RUNDC3B: variants seen among roughly 807,000 people sequenced by gnomAD.
RUNDC3B encodes RUN domain containing 3B.
A neutral mutation model predicts 58.4 loss-of-function variants in RUNDC3B; 33 were observed. That is an observed-to-expected ratio of 0.56 (90% CI 0.43 to 0.75). The LOEUF is 0.75. RUNDC3B is among the 30% of genes least tolerant of loss of function. The pLI is 0.00. For synonymous variants in RUNDC3B, 193 were observed against 195.2 expected, an observed-to-expected ratio of 0.99 and a Z score of 0.10; for missense variants, 501 against 535.7, an observed-to-expected ratio of 0.94 and a Z score of 0.64.
At chr7:87,734,005 C>G (rs1414393351) in intron 4 of RUNDC3B, among the ~76,000 whole-genome samples, 1 of 152,124 alleles carries the variant, frequency 6.6e-6, no homozygotes, top group South Asian at 2.1e-4. Context: ...AGACACTTCT[C>G]CAAGGGGGGT....
chr7:87,827,297 G>A (rs1267449253), intron 10 of RUNDC3B, among the ~76,000 whole-genome samples: 1 of 152,174 alleles, frequency 6.6e-6, no homozygotes, highest in African/African-American at 2.4e-5. Flanking sequence ...AGACCAGCCT[G>A]ACCAACATGG....
At chr7:87,795,285 AAATC>A (rs1835753749) in intron 8 of RUNDC3B, among the ~76,000 whole-genome samples, 1 of 152,194 alleles carries the variant, frequency 6.6e-6, no homozygotes, top group African/African-American at 2.4e-5. Context: ...AATAGGAAAA[AAATC>A]AAATTATCTG....
chr7:87,813,929 G>A (rs1437710392), intron 9 of RUNDC3B, among the ~76,000 whole-genome samples: 1 of 151,466 alleles, frequency 6.6e-6, no homozygotes, highest in Admixed American at 6.6e-5. Flanking sequence ...TGCAGTGAGC[G>A]GAGATCGCGC....
chr7:87,654,223 A>G (rs955649037), intron 2 of RUNDC3B, among the ~76,000 whole-genome samples: 2 of 152,044 alleles, frequency 1.3e-5, no homozygotes, highest in Non-Finnish European at 2.9e-5. Flanking sequence ...TCACAGAAAT[A>G]AAAAAGACAA....
Position 87,737,059 on chromosome 7 carries a change from G to T in RUNDC3B, c.459-2732G>T, listed in dbSNP as rs964227234. On this transcript the variant is annotated intron_variant, in intron 4 of 10. Coordinates refer to ENST00000394654, the MANE Select transcript of RUNDC3B (RefSeq NM_001134405.2). ...ACTGCAGGCATGTGCCACCACGTCT[G>T]GCTAATTTTTTTGTATTTTTTGTAT... Among the ~76,000 whole-genome samples the T allele has an allele frequency of 1.7e-4, 25 of 150,680 alleles. No individual in the cohort carries two copies. The East Asian group carries it at 4.3e-3, about 26-fold the overall frequency.
intron 10 of RUNDC3B, among the ~76,000 whole-genome samples, chr7:87,823,877 C>T (rs1007913284): frequency 2.0e-5 from 3 of 151,730 alleles, no homozygotes; most frequent in Non-Finnish European, 4.4e-5. Flanking sequence ...TTTCTGTATC[C>T]ACTTGTTGAT....
At chr7:87,659,706 C>A (rs1157748379) in intron 2 of RUNDC3B, among the ~76,000 whole-genome samples, 3 of 152,100 alleles carry the variant, frequency 2.0e-5, no homozygotes, top group African/African-American at 7.2e-5. Context: ...AAAAAGAAAC[C>A]CAGGGAACTT....
intron 8 of RUNDC3B, among the ~76,000 whole-genome samples, chr7:87,806,000 A>C (rs1452145974): frequency 6.6e-6 from 1 of 152,206 alleles, no homozygotes; most frequent in Non-Finnish European, 1.5e-5. Flanking sequence ...TTTTTGAAAA[A>C]ATGTTTAAGT....
chr7:87,696,450 T>C (rs1041218220), intron 2 of RUNDC3B, among the ~76,000 whole-genome samples: 1 of 152,194 alleles, frequency 6.6e-6, no homozygotes, highest in African/African-American at 2.4e-5. Context: ...ATATCGCAGA[T>C]AACTCATTGA....
intron 8 of RUNDC3B, among the ~76,000 whole-genome samples, chr7:87,784,364 A>G (rs1009456954): frequency 2.0e-5 from 3 of 151,650 alleles, no homozygotes; most frequent in African/African-American, 7.3e-5. Context: ...TTCTTTTATA[A>G]ACTGCTCACA....
chr7:87,731,279 C>T (rs1229280480), intron 4 of RUNDC3B, among the ~76,000 whole-genome samples: 15 of 151,962 alleles, frequency 9.9e-5, no homozygotes, highest in Admixed American at 9.2e-4. Flanking sequence ...CAGAGATATA[C>T]ACAAAATATA....
chr7:87,736,855 CTATATATATATATATATA>C lies in RUNDC3B; in HGVS notation c.459-2918_459-2901del, dbSNP rs1554479935. Among the ~76,000 whole-genome samples the C allele has an allele frequency of 9.2e-3, 332 of 36,204 alleles. 9 individuals are homozygous for C. Among genetic ancestry groups the C allele is most frequent in the East Asian group, 0.024 (29 of 1,210 alleles). 23.8% of individuals were successfully genotyped at this position (36,204 alleles called of 152,430 possible). A position where few individuals can be genotyped will look rare whatever the true frequency, so the allele number is the denominator to read the frequency against. ...TATATGTATGTGTGTATATATATAC[CTATATATATATATATATA>C]TATATATATATATATATTTTTTTTT... On this transcript the variant is annotated intron_variant, in intron 4 of 10. Coordinates refer to ENST00000394654, the MANE Select transcript of RUNDC3B (RefSeq NM_001134405.2).
At chr7:87,632,245 C>T (rs1229156221) in intron 1 of RUNDC3B, among the ~76,000 whole-genome samples, 1 of 152,098 alleles carries the variant, frequency 6.6e-6, no homozygotes, top group East Asian at 1.9e-4. Context: ...TATGTGAGTA[C>T]ACAATTCTTT....
intron 8 of RUNDC3B, among the ~76,000 whole-genome samples, chr7:87,785,163 C>T (rs964260008): frequency 3.9e-5 from 6 of 152,030 alleles, no homozygotes; most frequent in Non-Finnish European, 8.8e-5. Flanking sequence ...CCAGTGTCTG[C>T]CCCAGGAACA....
At chr7:87,740,587 A>G (rs1213912269) in intron 5 of RUNDC3B, among the ~76,000 whole-genome samples, 1 of 152,182 alleles carries the variant, frequency 6.6e-6, no homozygotes, top group Non-Finnish European at 1.5e-5. Flanking sequence ...AAAATTCAGG[A>G]ATATTAACAA....
At chr7:87,651,705 G>A (rs1032059702) in intron 2 of RUNDC3B, among the ~76,000 whole-genome samples, 5 of 152,038 alleles carry the variant, frequency 3.3e-5, no homozygotes, top group East Asian at 3.9e-4. Context: ...TAACTTATGA[G>A]CATCTCAGGC....
intron 9 of RUNDC3B, 35 bp downstream of exon 9, chr7:87,807,554 A>T: frequency 6.6e-7 from 1 of 1,516,458 alleles, no homozygotes; most frequent in Non-Finnish European, 9.2e-7. Flanking sequence ...ACTAATTAAT[A>T]GTTAGTTGTA....
At chr7:87,826,345 G>T (rs1201872581) in intron 10 of RUNDC3B, among the ~76,000 whole-genome samples, 2 of 151,734 alleles carry the variant, frequency 1.3e-5, no homozygotes, top group Non-Finnish European at 2.9e-5. Context: ...CATGTGAGAT[G>T]TGCCTTTCAC....
intron 2 of RUNDC3B, among the ~76,000 whole-genome samples, chr7:87,665,523 T>C (rs746159487): frequency 3.9e-5 from 6 of 152,126 alleles, no homozygotes; most frequent in South Asian, 2.1e-4. Flanking sequence ...AAGTGACCTA[T>C]AGATTCAATG....
Sources: gnomAD v4.1 joint callset for allele counts (sites outside exome capture counted in the v4.1 genomes callset) on GRCh38, gnomAD v4.1.1 for gene constraint, MANE v1.5 for transcripts, NCBI Gene and HGNC (gene_info 2026-07-23, HGNC 2026-07-21) for gene names.